Variants in TNC observed in about 807,000 individuals in gnomAD.
TNC encodes the protein tenascin C, also known as tenascin.
Under a neutral mutation model 202.4 loss-of-function variants are expected in TNC, and 109 were observed. The observed-to-expected ratio is 0.54, with a 90% CI of 0.46 to 0.63. The LOEUF (loss-of-function observed/expected upper bound fraction) is 0.63, where lower values mean the gene tolerates loss of function less well. TNC is among the 30% of genes least tolerant of loss of function. The pLI, the probability that TNC is intolerant of heterozygous loss-of-function variation, is 0.00. For synonymous variants in TNC, 1,007 were observed against 1,089.7 expected, an observed-to-expected ratio of 0.92 and a Z score of 1.50; for missense variants, 2,756 against 2,833.3, an observed-to-expected ratio of 0.97 and a Z score of 0.62.
chr9:115,048,325 T>G lies in TNC; in HGVS notation c.4787A>C (p.Glu1596Ala). ...TTGGGTGAAGCCAGAGACCATAACC[T>G]CATAGCCAATGCCAGTTATGAGGCC... ...LRGLITGIGY[E>A]VMVSGFTQGH... The change falls in exon 16 of 28, where the codon GAG (glutamate) becomes GCG (alanine). Residue 1596 changes from glutamate to alanine, a missense_variant. Physicochemically the swap from Glu to Ala is moderately radical, Grantham distance 107. This residue lies in a region of TNC where 2,559 missense variants were observed against 2,546.0 expected (regional missense o/e 1.01). Coordinates refer to ENST00000350763, the MANE Select transcript of TNC (RefSeq NM_002160.4). The G allele has an allele frequency of 6.2e-7, 1 of 1,613,990 alleles. No individual in the cohort carries two copies. Among genetic ancestry groups the G allele is most frequent in the Non-Finnish European group, 8.5e-7 (1 of 1,179,954 alleles).
intron 8 of TNC, 97 bp from the exon 9 acceptor site, chr9:115,076,218 A>T: frequency 6.9e-7 from 1 of 1,440,858 alleles, no homozygotes; most frequent in Non-Finnish European, 9.7e-7. Flanking sequence ...GGAGGCTACA[A>T]CAAATTTTCG....
chr9:115,073,577 T>G (rs766006280), intron 10 of TNC, 26 bp downstream of exon 10: 2 of 1,600,900 alleles, frequency 1.2e-6, no homozygotes, highest in Non-Finnish European at 8.5e-7. Context: ...AACCTAGAGT[T>G]TGGAGGAAGC....
intron 6 of TNC, among the ~76,000 whole-genome samples, chr9:115,081,252 A>G (rs1254514443): frequency 2.0e-5 from 3 of 152,214 alleles, no homozygotes; most frequent in African/African-American, 7.2e-5. Flanking sequence ...TAAACTAGTG[A>G]CATGATGCTA....
chr9:115,090,448 C>G, intron 2 of TNC, 114 bp downstream of exon 2: 1 of 804,162 alleles, frequency 1.2e-6, no homozygotes, highest in Non-Finnish European at 2.0e-6. Context: ...AATGAACACT[C>G]TGGGAAGCTA....
At chr9:115,107,066 C>T (rs1217050860) in intron 1 of TNC, among the ~76,000 whole-genome samples, 2 of 149,952 alleles carry the variant, frequency 1.3e-5, no homozygotes, top group East Asian at 3.9e-4. Context: ...TGGAGGGGAA[C>T]TTACTAGATG....
At position 115,086,523 on chromosome 9, in the gene TNC, C is replaced by A; in HGVS notation, c.1208G>T (p.Cys403Phe). 1 of 1,614,030 alleles carries A rather than the reference C, an allele frequency of 6.2e-7. No homozygotes were observed. The highest frequency in any genetic ancestry group is 8.5e-7 in the Non-Finnish European group (1 of 1,180,046). ...GCCATTGGGACACTTGAGCTCCCCACAGTCAGCTCCAGTGAAACCATCATC... is the reference window on the plus strand; with the variant it reads ...GCCATTGGGACACTTGAGCTCCCCAAAGTCAGCTCCAGTGAAACCATCATC... ...ECDDGFTGAD[C>F]GELKCPNGCS... Residue 403 changes from cysteine (C) to phenylalanine (F), a missense_variant, in exon 3 of 28, where the codon TGT becomes TTT. Coordinates refer to ENST00000350763, the MANE Select transcript of TNC (RefSeq NM_002160.4).
Position 115,052,956 on chromosome 9 carries a change from T to C in TNC, c.4579+4197A>G, listed in dbSNP as rs747211351. 8 of 702,694 alleles carry C rather than the reference T, an allele frequency of 1.1e-5. 1 individual carries two copies. In the South Asian group the frequency reaches 1.2e-4, roughly 10 times the overall value. 43.5% of individuals were successfully genotyped at this position (702,694 alleles called of 1,614,324 possible). ...AGCCCAGCTTGAGTGGTCCATGACATGTTGAAGCTTTTTGGAGTAATATTG... is the reference window on the plus strand; with the variant it reads ...AGCCCAGCTTGAGTGGTCCATGACACGTTGAAGCTTTTTGGAGTAATATTG... On this transcript the variant is annotated intron_variant, in intron 15 of 27. Transcript: ENST00000350763.
intron 22 of TNC, among the ~76,000 whole-genome samples, chr9:115,034,337 C>T (rs1830160297): frequency 6.6e-6 from 1 of 152,226 alleles, no homozygotes; most frequent in South Asian, 2.1e-4. Flanking sequence ...AGTTGACAAG[C>T]CCTGCCTGAG....
intron 1 of TNC, among the ~76,000 whole-genome samples, chr9:115,111,399 C>CTCTCTTTTTTTTTTTTTT (rs1174066886): frequency 4.2e-5 from 3 of 71,358 alleles, no homozygotes; most frequent in South Asian, 8.1e-4. Flanking sequence ...CTCTCTCTCT[C>CTCTCTTTTTTTTTTTTTT]TTTTTTTTTT....
rs143899957 is a variant in TNC at position 115,064,913 on chromosome 9, G to C, written c.3221C>G (p.Ala1074Gly). 6.2e-7 allele frequency: 1 copy of C among 1,613,386 alleles called. No homozygotes were observed. Among genetic ancestry groups the C allele is most frequent in the East Asian group, 2.2e-5 (1 of 44,886 alleles). Residue 1074 changes from alanine to glycine, a missense_variant, in exon 11 of 28, where the codon GCC (alanine) becomes GGC (glycine). By Grantham distance (60) the Ala-to-Gly change is moderately conservative (BLOSUM62 0). Transcript: ENST00000350763. ...CACGGTGAGGTTTTCCAGCTCAGGG[G>C]CTTGTTCTGAATAATGACAGAGATG... is the stretch of plus-strand genomic sequence containing the variant. Reference protein sequence around the residue: ...PARVKASTEQAPELENLTVTE... With the variant: ...PARVKASTEQGPELENLTVTE...
intron 4 of TNC, 25 bp from the exon 5 acceptor site, chr9:115,082,832 C>T (rs769875382): frequency 6.7e-5 from 104 of 1,543,590 alleles, no homozygotes; most frequent in Middle Eastern, 1.7e-4. Flanking sequence ...ATAAATAGAA[C>T]GTAAGGATAG....
chr9:115,094,317 C>A (rs1419418953), intron 1 of TNC, among the ~76,000 whole-genome samples: 1 of 152,018 alleles, frequency 6.6e-6, no homozygotes, highest in Non-Finnish European at 1.5e-5. Context: ...CAACTTGGAT[C>A]TAGATCAAAG....
intron 16 of TNC, among the ~76,000 whole-genome samples, chr9:115,047,316 G>A (rs1333258367): frequency 1.3e-5 from 2 of 150,432 alleles, no homozygotes; most frequent in Non-Finnish European, 2.9e-5. Flanking sequence ...TAGAACTGAG[G>A]TTGGAACCTT....
chr9:115,036,560 G>T (rs1460717287), intron 20 of TNC, among the ~76,000 whole-genome samples: 1 of 152,148 alleles, frequency 6.6e-6, no homozygotes, highest in Non-Finnish European at 1.5e-5. Context: ...GTAGAGGACG[G>T]TCGGAGGGGA....
intron 1 of TNC, among the ~76,000 whole-genome samples, chr9:115,095,608 G>C (rs200921403): frequency 1.3e-3 from 2 of 1,556 alleles, no homozygotes; most frequent in South Asian, 0.024. Flanking sequence ...ATATATATAT[G>C]TATATATGTA....
At position 115,090,582 on chromosome 9, in the gene TNC, C is replaced by A; in HGVS notation, c.437G>T (p.Cys146Phe). 6.3e-7 allele frequency: 1 copy of A among 1,578,628 alleles called. No homozygotes were observed. Among genetic ancestry groups the A allele is most frequent in the South Asian group, 1.2e-5 (1 of 84,528 alleles). Residue 146 changes from cysteine (C) to phenylalanine (F), a missense_variant, in exon 2 of 28, where the codon TGC (cysteine) becomes TTC (phenylalanine). Cys to Phe is a radical substitution (Grantham distance 205). Around this residue, in one of 2 missense-constraint regions of TNC, gnomAD observed 2,559 missense variants for 2,546.0 expected, o/e 1.01. Transcript: ENST00000350763. ...CATACCTGTGGCAGGCTGGAGACAG[C>A]AGCCTGCTCCTGCAGTACATTGCTC... ...LREQCTAGAG[C>F]CLQPATGRLD...
intron 7 of TNC, among the ~76,000 whole-genome samples, 196 bp downstream of exon 7, chr9:115,077,747 T>C (rs1226626407): frequency 6.6e-6 from 1 of 152,172 alleles, no homozygotes; most frequent in Non-Finnish European, 1.5e-5. Context: ...CAAAAGTGCT[T>C]TGGAAGGTTA....
intron 1 of TNC, among the ~76,000 whole-genome samples, chr9:115,112,246 G>A (rs1448897575): frequency 4.6e-5 from 7 of 152,090 alleles, no homozygotes; most frequent in Non-Finnish European, 1.0e-4. Context: ...GCCAACTGGC[G>A]GAAGATCTTA....
At chr9:115,055,358 A>G (rs1209940350) in intron 15 of TNC, 5 of 152,600 alleles carry the variant, frequency 3.3e-5, no homozygotes, top group Admixed American at 6.5e-5. Context: ...GGATGGCTCT[A>G]TCAAATTTGA....
Sources: allele counts gnomAD v4.1 joint callset (sites outside exome capture counted in the v4.1 genomes callset), GRCh38; gene constraint gnomAD v4.1.1; regional missense constraint gnomAD v4.1.1; transcripts MANE v1.5; gene names NCBI Gene and HGNC (gene_info 2026-07-23, HGNC 2026-07-21).